The following ROBO1 variants were observed in gnomAD, a reference collection of about 807,000 sequenced individuals.
ROBO1 encodes roundabout homolog 1.
ROBO1 carries 149 observed loss-of-function variants against 195.9 expected under a neutral mutation model. The observed-to-expected ratio is 0.76, with a 90% CI of 0.67 to 0.87. ROBO1 has a LOEUF of 0.87. Ranked by LOEUF, ROBO1 falls within the 40% of genes least tolerant of loss-of-function variation. ROBO1 has a pLI of 0.00. For synonymous variants in ROBO1, 816 were observed against 733.2 expected (o/e 1.11, Z -1.82); for missense variants, 1,933 against 2,068.3 (o/e 0.93, Z 1.27).
chr3:79,059,532 G>A (rs1361847504), intron 3 of ROBO1, among the ~76,000 whole-genome samples: 1 of 151,998 alleles, frequency 6.6e-6, no homozygotes, highest in African/African-American at 2.4e-5. Context: ...GGAAGTCAGG[G>A]ACCCTCAACA....
intron 2 of ROBO1, among the ~76,000 whole-genome samples, chr3:79,227,729 G>T (rs1014507028): frequency 1.1e-4 from 17 of 152,118 alleles, no homozygotes; most frequent in African/African-American, 3.9e-4. Context: ...ACCTCACAGG[G>T]TGAATTCTAT....
At chr3:79,701,759 G>A (rs1481258254) in intron 1 of ROBO1, among the ~76,000 whole-genome samples, 1 of 151,608 alleles carries the variant, frequency 6.6e-6, no homozygotes, top group Non-Finnish European at 1.5e-5. Context: ...CATATGCAAT[G>A]TATTCTGAAG....
rs2033185659 is a variant in ROBO1, at chr3:79,305,659, A to G, written c.89-180120T>C. Among the ~76,000 whole-genome samples the G allele has an allele frequency of 2.0e-5, 3 of 152,072 alleles. No homozygotes were observed. In the South Asian group the frequency reaches 6.2e-4, roughly 31 times the overall value. ...CATTTCCTTCTTTTTGATATGTACA[A>G]TTTCATGAAAAGAGGGATATTATTA... On this transcript the variant is annotated intron_variant, in intron 2 of 30. Transcript: ENST00000464233.
At chr3:79,483,607 C>T (rs1017385121) in intron 2 of ROBO1, among the ~76,000 whole-genome samples, 2 of 152,146 alleles carry the variant, frequency 1.3e-5, no homozygotes, top group Non-Finnish European at 2.9e-5. Flanking sequence ...GGCTACAAAC[C>T]TGTAAATCAT....
chr3:79,470,781 T>C (rs1938230770), intron 2 of ROBO1, among the ~76,000 whole-genome samples: 1 of 152,112 alleles, frequency 6.6e-6, no homozygotes, highest in Non-Finnish European at 1.5e-5. Context: ...TGCTCCTCAT[T>C]CACCTTCCAC....
chr3:79,691,826 TA>T (rs1947306409), intron 1 of ROBO1, among the ~76,000 whole-genome samples: 1 of 151,958 alleles, frequency 6.6e-6, no homozygotes, highest in African/African-American at 2.4e-5. Flanking sequence ...GCTGTATGTT[TA>T]AAATTACTTT....
chr3:79,336,971 C>T (rs1389976483), intron 2 of ROBO1, among the ~76,000 whole-genome samples: 1 of 152,164 alleles, frequency 6.6e-6, no homozygotes, highest in Non-Finnish European at 1.5e-5. Flanking sequence ...TAATGACTGC[C>T]CCATTAGATC....
Position 79,484,522 on chromosome 3 carries a change from T to C in ROBO1, c.88+105302A>G, listed in dbSNP as rs1474835022. ...ATATATATGTGTGTGTGTGTATATA[T>C]GGTGATAAAACGATTGAAATATTTT... On this transcript the variant is annotated intron_variant, in intron 2 of 30. Coordinates refer to ENST00000464233, the MANE Select transcript of ROBO1 (RefSeq NM_002941.4). Among the ~76,000 whole-genome samples the C allele has an allele frequency of 4.6e-5, 7 of 152,102 alleles. No individual in the cohort carries two copies. The South Asian group carries it at 1.2e-3, about 27-fold the overall frequency.
intron 2 of ROBO1, among the ~76,000 whole-genome samples, chr3:79,351,832 TA>T (rs2035355172): frequency 6.6e-6 from 1 of 152,158 alleles, no homozygotes; most frequent in African/African-American, 2.4e-5. Flanking sequence ...TCTGGGAAAT[TA>T]AAAGGAGGGC....
At chr3:79,638,756 A>G (rs1945571197) in intron 1 of ROBO1, among the ~76,000 whole-genome samples, 2 of 152,190 alleles carry the variant, frequency 1.3e-5, no homozygotes, top group Admixed American at 6.5e-5. Flanking sequence ...TCCCACTCCA[A>G]TCTAAGTTGA....
At position 78,787,454 on chromosome 3, in the gene ROBO1, G is replaced by A. The variant is rs556457014; in HGVS notation, c.500-40554C>T. On this transcript the variant is annotated intron_variant, in intron 4 of 30. Transcript: ENST00000464233. Reference sequence around the variant, plus strand: ...TACTAACTGTTGGAAGCAAGATGTCGATGATTTATTAAAGAGAATGAGTTC... The same window carrying A: ...TACTAACTGTTGGAAGCAAGATGTCAATGATTTATTAAAGAGAATGAGTTC... Among the ~76,000 whole-genome samples the A allele has an allele frequency of 8.5e-5, 13 of 152,210 alleles. No individual in the cohort carries two copies. The East Asian group carries it at 1.4e-3, about 16-fold the overall frequency.
intron 2 of ROBO1, among the ~76,000 whole-genome samples, chr3:79,374,171 T>C (rs2036300402): frequency 6.6e-6 from 1 of 152,148 alleles, no homozygotes; most frequent in South Asian, 2.1e-4. Context: ...TTCCTTCCTT[T>C]AGTGTATAGA....
chr3:79,290,125 G>A (rs923706174), intron 2 of ROBO1, among the ~76,000 whole-genome samples: 1 of 151,884 alleles, frequency 6.6e-6, no homozygotes, highest in African/African-American at 2.4e-5. Flanking sequence ...TGCAAGCTCC[G>A]CCTCCCGGAT....
chr3:78,967,536 C>T (rs550275867), intron 3 of ROBO1, among the ~76,000 whole-genome samples: 2 of 152,154 alleles, frequency 1.3e-5, no homozygotes, highest in Middle Eastern at 3.4e-3. Context: ...GAAGTCTTCC[C>T]GAATTTAGAC....
At chr3:78,793,522 G>C (rs886744248) in intron 4 of ROBO1, among the ~76,000 whole-genome samples, 2 of 152,108 alleles carry the variant, frequency 1.3e-5, no homozygotes, top group African/African-American at 4.8e-5. Flanking sequence ...GCTAAATGTG[G>C]GTCTAATTGC....
In ROBO1 at chr3:79,549,254, T is replaced by A. The variant is rs149143838; in HGVS notation, c.88+40570A>T. Among the ~76,000 whole-genome samples the A allele has an allele frequency of 6.5e-3, 991 of 152,256 alleles. 5 individuals carry two copies. The highest frequency in any genetic ancestry group is 0.011 in the Non-Finnish European group (740 of 68,006). ...AACAATGGGAACTGTGACAGAAAAA[T>A]CATATGGCCTTCAAGGAGCTTATGA... On this transcript the variant is annotated intron_variant, in intron 2 of 30. Coordinates refer to ENST00000464233, the MANE Select transcript of ROBO1 (RefSeq NM_002941.4).
chr3:79,644,164 C>CTA (rs569048104), intron 1 of ROBO1, among the ~76,000 whole-genome samples: 43 of 151,716 alleles, frequency 2.8e-4, no homozygotes, highest in Non-Finnish European at 5.6e-4. Context: ...AATAAGAATT[C>CTA]TATATATATA....
intron 29 of ROBO1, among the ~76,000 whole-genome samples, chr3:78,605,652 T>C (rs985594379): frequency 1.3e-5 from 2 of 152,220 alleles, no homozygotes; most frequent in Non-Finnish European, 2.9e-5. Flanking sequence ...CCTAATTCTC[T>C]AAATTTTCGT....
In ROBO1 at chr3:79,681,524, G is replaced by A. The variant is rs77169319; in HGVS notation, c.-51+86228C>T. 2.4e-3 allele frequency among the ~76,000 whole-genome samples: 360 copies of A among 152,026 alleles called. 1 individual carries two copies. Among genetic ancestry groups the A allele is most frequent in the African/African-American group, 8.5e-3 (354 of 41,522 alleles). Reference sequence around the variant, plus strand: ...CAGAATAGAAAAATGTGAGTTATTTGGAATGTAAAGTGTGAAAAATATGAA... The same window carrying A: ...CAGAATAGAAAAATGTGAGTTATTTAGAATGTAAAGTGTGAAAAATATGAA... On this transcript the variant is annotated intron_variant, in intron 1 of 30. Transcript: ENST00000464233.
Sources: gnomAD v4.1 joint callset for allele counts (sites outside exome capture counted in the v4.1 genomes callset) on GRCh38, gnomAD v4.1.1 for gene constraint, MANE v1.5 for transcripts, NCBI Gene and HGNC (gene_info 2026-07-23, HGNC 2026-07-21) for gene names.